The following AQR variants were observed in gnomAD, a reference collection of about 807,000 sequenced individuals.
AQR encodes the protein aquarius intron-binding spliceosomal factor, also known as RNA helicase aquarius.
Under a neutral mutation model 180.5 loss-of-function variants are expected in AQR, and 61 were observed. The ratio of observed to expected loss-of-function variants is 0.34; its 90% CI spans 0.28 to 0.42. AQR has a LOEUF of 0.42. AQR is among the 10% of genes least tolerant of loss of function. AQR has a pLI of 1.00. For missense variants in AQR, 1,281 were observed against 1,798.3 expected (o/e 0.71, Z 5.20); for synonymous variants, 551 against 588.8 (o/e 0.94, Z 0.93).
In AQR at chr15:34,930,307, G is replaced by A; in HGVS notation, c.965C>T (p.Thr322Ile). The change falls in exon 12 of 35, where the codon ACA (threonine) becomes ATA (isoleucine). Residue 322 changes from threonine to isoleucine, a missense_variant. This residue lies in a region of AQR where 404 missense variants were observed against 490.9 expected (regional missense o/e 0.82). Transcript: ENST00000156471. ...GTGAATTGTGGTCATCTCATTCTCTGTCAGAGCATTTCCAGTTTGGTCATT... is the reference window on the plus strand; with the variant it reads ...GTGAATTGTGGTCATCTCATTCTCTATCAGAGCATTTCCAGTTTGGTCATT... ...EINDQTGNAL[T>I]ENEMTTIHYD... 6.2e-7 allele frequency: 1 copy of A among 1,611,410 alleles called. No homozygotes were observed.
intron 33 of AQR, 88 bp downstream of exon 33, chr15:34,862,779 T>C: frequency 2.2e-6 from 3 of 1,356,466 alleles, no homozygotes; most frequent in South Asian, 1.3e-5. Flanking sequence ...TCTATAATAA[T>C]GTTCCAAGCT....
chr15:34,880,620 G>A (rs1461529843), intron 27 of AQR, among the ~76,000 whole-genome samples: 2 of 152,172 alleles, frequency 1.3e-5, no homozygotes, highest in African/African-American at 2.4e-5. Context: ...CCCCCTGCTT[G>A]GATGTGAAAG....
Position 34,893,647 on chromosome 15 carries a change from A to AGT in AQR, c.2571+15_2571+16insAC. The AGT allele has an allele frequency of 2.5e-6, 4 of 1,585,786 alleles. No individual in the cohort carries two copies. The highest frequency in any genetic ancestry group is 3.4e-6 in the Non-Finnish European group (4 of 1,160,272). ...CACACACACACACACACACACACACACACACAGTCATTTACCTGATTGGAA... is the reference window on the plus strand; with the variant it reads ...CACACACACACACACACACACACACAGTCACACAGTCATTTACCTGATTGGAA... On this transcript the variant is annotated intron_variant, in intron 23 of 34. Coordinates refer to ENST00000156471, the MANE Select transcript of AQR (RefSeq NM_014691.3).
At chr15:34,919,635 T>C (rs778660411) in intron 14 of AQR, among the ~76,000 whole-genome samples, 8 of 152,138 alleles carry the variant, frequency 5.3e-5, no homozygotes, top group African/African-American at 1.7e-4. Flanking sequence ...CGGTGATTCA[T>C]GCCTGTAACC....
At chr15:34,917,890 G>T (rs1435420889) in intron 15 of AQR, among the ~76,000 whole-genome samples, 1 of 151,622 alleles carries the variant, frequency 6.6e-6, no homozygotes, top group Admixed American at 6.6e-5. Context: ...AGGCTGAAGT[G>T]GGAGGATCAC....
intron 16 of AQR, among the ~76,000 whole-genome samples, chr15:34,911,858 T>C (rs181033651): frequency 1.6e-3 from 238 of 152,182 alleles, no homozygotes; most frequent in African/African-American, 5.5e-3. Context: ...CCAAAAATCA[T>C]TGCCAAGACA....
At chr15:34,963,011 C>G (rs751523147) in intron 2 of AQR, among the ~76,000 whole-genome samples, 2 of 152,108 alleles carry the variant, frequency 1.3e-5, no homozygotes, top group Non-Finnish European at 2.9e-5. Flanking sequence ...GGGTCTCATT[C>G]TGTTGCCCAG....
chr15:34,968,249 G>A (rs974532913), intron 1 of AQR, among the ~76,000 whole-genome samples: 2 of 118,010 alleles, frequency 1.7e-5, no homozygotes, highest in Non-Finnish European at 3.7e-5. Flanking sequence ...GGAAAGGAAG[G>A]AAGAGATTTT....
rs1188818846 is a variant in AQR, at chr15:34,912,412, T to A, written c.1485-2099A>T. Among the ~76,000 whole-genome samples the A allele has an allele frequency of 2.0e-5, 3 of 152,270 alleles. No homozygotes were observed. The East Asian group carries it at 5.8e-4, about 29-fold the overall frequency. On this transcript the variant is annotated intron_variant, in intron 16 of 34. Coordinates refer to ENST00000156471, the MANE Select transcript of AQR (RefSeq NM_014691.3). ...CTCTTTCATTTCTGAAGGACCTCTT[T>A]ACTTAGTTTTATTTTATATTGTTAT... is the stretch of plus-strand genomic sequence containing the variant.
intron 6 of AQR, chr15:34,943,249 G>A: frequency 6.2e-7 from 1 of 1,606,974 alleles, no homozygotes; most frequent in Admixed American, 1.7e-5. Flanking sequence ...CCAATTTTCT[G>A]GAAAAAGGCT....
intron 1 of AQR, among the ~76,000 whole-genome samples, chr15:34,966,694 A>G (rs16960205): frequency 0.051 from 7,741 of 152,260 alleles, 282 homozygotes; most frequent in African/African-American, 0.1. Context: ...AAATGGATAC[A>G]TAAGTGAATT....
chr15:34,930,286 A>G lies in AQR; in HGVS notation c.986T>C (p.Ile329Thr), dbSNP rs1450512437. The change falls in exon 12 of 35, where the codon ATT becomes ACT. Residue 329 changes from isoleucine to threonine, a missense_variant. Transcript: ENST00000156471. ...NALTENEMTT[I>T]HYDRITSLQR... ...TAGAGAAGTAATTCTATCATAGTGA[A>G]TTGTGGTCATCTCATTCTCTGTCAG... 2 of 1,604,464 alleles carry G rather than the reference A, an allele frequency of 1.2e-6. No individual in the cohort carries two copies. The highest frequency in any genetic ancestry group is 2.7e-5 in the African/African-American group (2 of 74,744).
chr15:34,869,512 G>A (rs1302396035), intron 31 of AQR: 3 of 152,102 alleles, frequency 2.0e-5, no homozygotes, highest in African/African-American at 7.2e-5. Flanking sequence ...GAATAACATC[G>A]TTGAGCTACC....
intron 27 of AQR, among the ~76,000 whole-genome samples, chr15:34,881,253 C>T (rs1335515172): frequency 6.6e-6 from 1 of 152,174 alleles, no homozygotes; most frequent in Non-Finnish European, 1.5e-5. Context: ...CACTGGGGTA[C>T]ATTCACACTA....
intron 5 of AQR, 144 bp from the exon 6 acceptor site, chr15:34,944,572 C>T (rs1276889318): frequency 3.9e-6 from 3 of 770,596 alleles, no homozygotes; most frequent in Non-Finnish European, 5.7e-6. Context: ...AGAAGCATCA[C>T]GTGCTTACTT....
In AQR at chr15:34,893,770, C is replaced by A. The variant is rs1893189540; in HGVS notation, c.2464G>T (p.Val822Leu). The change falls in exon 23 of 35, where the codon GTG (valine) becomes TTG (leucine). Residue 822 changes from valine to leucine, a missense_variant. Around this residue, in one of 9 missense-constraint regions of AQR, gnomAD observed 31 missense variants for 95.5 expected, o/e 0.32. Transcript: ENST00000156471. The stretch of plus-strand genomic sequence containing the variant: ...GTTTTGCCTGTACCAGGTGGGCCCA[C>A]AACCTAAAAAGAAGATGAACACATA... ...AGMQPGLTMV[V>L]GPPGTGKTDV... 1.9e-6 allele frequency: 3 copies of A among 1,613,954 alleles called. No homozygotes were observed. The highest frequency in any genetic ancestry group is 2.5e-6 in the Non-Finnish European group (3 of 1,179,872).
intron 34 of AQR, among the ~76,000 whole-genome samples, chr15:34,858,283 C>T (rs1452861013): frequency 7.1e-6 from 1 of 140,420 alleles, no homozygotes; most frequent in East Asian, 2.1e-4. Flanking sequence ...CGCGCCTGGC[C>T]TTTAAGATTT....
chr15:34,896,842 T>C, intron 22 of AQR, 55 bp downstream of exon 22: 1 of 1,499,758 alleles, frequency 6.7e-7, no homozygotes, highest in East Asian at 2.3e-5. Context: ...AAAGTGAAAC[T>C]CCATCTCAGA....
intron 9 of AQR, among the ~76,000 whole-genome samples, chr15:34,938,227 A>G (rs928695917): frequency 6.6e-6 from 1 of 152,060 alleles, no homozygotes; most frequent in Admixed American, 6.6e-5. Context: ...CAATAACCAC[A>G]CTGGTGCCTT....
Sources: allele counts gnomAD v4.1 joint callset (sites outside exome capture counted in the v4.1 genomes callset), GRCh38; gene constraint gnomAD v4.1.1; regional missense constraint gnomAD v4.1.1; transcripts MANE v1.5; gene names NCBI Gene and HGNC (gene_info 2026-07-23, HGNC 2026-07-21).